Variants in RGL1 observed in about 807,000 individuals in gnomAD.
RGL1 encodes the protein ral guanine nucleotide dissociation stimulator like 1, also known as ral guanine nucleotide dissociation stimulator-like 1.
In RGL1, 24 loss-of-function variants were observed where a neutral mutation model predicts 95.2. The observed-to-expected ratio is 0.25, with a 90% CI of 0.18 to 0.35. RGL1 has a LOEUF of 0.35. Among genes scored for constraint, RGL1 ranks in the 10% least tolerant of loss-of-function variants. The pLI, the probability that RGL1 is intolerant of heterozygous loss-of-function variation, is 1.00. For synonymous variants in RGL1, 329 were observed against 344.9 expected (o/e 0.95, Z 0.51); for missense variants, 715 against 936.3 (o/e 0.76, Z 3.08).
At chr1:183,750,022 T>A (rs1572365804) in intron 2 of RGL1, among the ~76,000 whole-genome samples, 1 of 152,334 alleles carries the variant, frequency 6.6e-6, no homozygotes, top group Non-Finnish European at 1.5e-5. Flanking sequence ...TTGGTGAATC[T>A]GATGATTATG....
intron 17 of RGL1, among the ~76,000 whole-genome samples, chr1:183,924,647 A>G (rs1669508112): frequency 6.6e-6 from 1 of 152,084 alleles, no homozygotes; most frequent in South Asian, 2.1e-4. Context: ...AAATTAAAAA[A>G]CAAAAATAAA....
intron 14 of RGL1, among the ~76,000 whole-genome samples, chr1:183,907,333 C>T (rs190151264): frequency 3.2e-3 from 493 of 152,330 alleles, no homozygotes; most frequent in African/African-American, 0.011. Flanking sequence ...ACTCCAGTAA[C>T]ATCTTCACTG....
chr1:183,779,248 CTCT>C (rs1466188488), intron 2 of RGL1, among the ~76,000 whole-genome samples: 3 of 144,190 alleles, frequency 2.1e-5, no homozygotes, highest in African/African-American at 7.8e-5. Context: ...ACCTTCCTTC[CTCT>C]TCTTTCTTTC....
At chr1:183,666,294 C>T (rs1212471883) in intron 1 of RGL1, among the ~76,000 whole-genome samples, 1 of 152,110 alleles carries the variant, frequency 6.6e-6, no homozygotes, top group East Asian at 1.9e-4. Flanking sequence ...CGTGAGCCAC[C>T]GCGCCTGGGC....
intron 1 of RGL1, among the ~76,000 whole-genome samples, chr1:183,665,855 T>C (rs1651988414): frequency 6.6e-6 from 1 of 152,186 alleles, no homozygotes; most frequent in African/African-American, 2.4e-5. Flanking sequence ...AATGATTTTC[T>C]CCATTGTTTT....
At chr1:183,690,449 G>C (rs563784230) in intron 1 of RGL1, among the ~76,000 whole-genome samples, 2 of 152,112 alleles carry the variant, frequency 1.3e-5, no homozygotes, top group East Asian at 3.9e-4. Flanking sequence ...AATTCGATGG[G>C]GTAGGGAGGT....
At chr1:183,843,199 C>T (rs1369299571) in intron 2 of RGL1, among the ~76,000 whole-genome samples, 1 of 152,328 alleles carries the variant, frequency 6.6e-6, no homozygotes, top group East Asian at 1.9e-4. Context: ...ATTGTAGGCA[C>T]AAGAGCAATT....
intron 1 of RGL1, among the ~76,000 whole-genome samples, chr1:183,650,548 G>A (rs115011681): frequency 0.082 from 12,422 of 151,462 alleles, 1,000 homozygotes; most frequent in African/African-American, 0.21. Flanking sequence ...GTCTCAAAAC[G>A]AAAAACAAAA....
chr1:183,795,635 T>C (rs983631835), intron 2 of RGL1, among the ~76,000 whole-genome samples: 3 of 152,186 alleles, frequency 2.0e-5, no homozygotes, highest in African/African-American at 7.2e-5. Context: ...GGCAAGGCCC[T>C]GTGGCATATG....
chr1:183,647,647 T>G, intron 1 of RGL1: 1 of 1,546,844 alleles, frequency 6.5e-7, no homozygotes, highest in South Asian at 1.2e-5. Context: ...AGTCCCTTGG[T>G]AATTGGTTTC....
intron 3 of RGL1, among the ~76,000 whole-genome samples, chr1:183,852,500 C>G (rs1229086463): frequency 3.3e-5 from 5 of 152,116 alleles, no homozygotes; most frequent in African/African-American, 1.2e-4. Flanking sequence ...TTTTATCTAA[C>G]TTCAAACATA....
At chr1:183,636,877 C>G (rs1278258818) in intron 1 of RGL1, among the ~76,000 whole-genome samples, 1 of 152,142 alleles carries the variant, frequency 6.6e-6, no homozygotes, top group Non-Finnish European at 1.5e-5. Context: ...CAAATATTTG[C>G]AGGATAAAAT....
intron 3 of RGL1, among the ~76,000 whole-genome samples, chr1:183,861,552 A>G (rs1341224794): frequency 6.6e-6 from 1 of 152,248 alleles, no homozygotes; most frequent in Non-Finnish European, 1.5e-5. Context: ...AGGCTGCAGT[A>G]AATAATTGCT....
chr1:183,849,680 A>G (rs893525321), intron 3 of RGL1, among the ~76,000 whole-genome samples: 1 of 151,842 alleles, frequency 6.6e-6, no homozygotes, highest in Non-Finnish European at 1.5e-5. Flanking sequence ...TTGTAAAGAC[A>G]GGGCTTTACC....
intron 3 of RGL1, among the ~76,000 whole-genome samples, chr1:183,858,101 G>A (rs1481088383): frequency 6.7e-6 from 1 of 149,614 alleles, no homozygotes; most frequent in Non-Finnish European, 1.5e-5. Context: ...TGCCCAGCAG[G>A]TTTTTTTTTT....
chr1:183,667,319 A>AT (rs2102042342), intron 1 of RGL1, among the ~76,000 whole-genome samples: 1 of 151,888 alleles, frequency 6.6e-6, no homozygotes, highest in South Asian at 2.1e-4. Context: ...TCATTGATTT[A>AT]TTTTTTATTT....
intron 1 of RGL1, among the ~76,000 whole-genome samples, chr1:183,658,440 G>A (rs556657054): frequency 0.013 from 1,969 of 152,250 alleles, 52 homozygotes; most frequent in African/African-American, 0.046. Flanking sequence ...CTACGCCCAC[G>A]GAGTCTCGCT....
Position 183,836,666 on chromosome 1 carries a change from C to T in RGL1, c.139-10900C>T, listed in dbSNP as rs1663681488. 2.0e-5 allele frequency among the ~76,000 whole-genome samples: 3 copies of T among 152,236 alleles called. No homozygotes were observed. The South Asian group carries it at 6.2e-4, about 32-fold the overall frequency. On this transcript the variant is annotated intron_variant, in intron 2 of 17. Transcript: ENST00000360851. The stretch of plus-strand genomic sequence containing the variant: ...ATCACCTAATAACATGCTTGAAAGA[C>T]ACCTGGTGGGTTTATCAGTAGCCAA...
chr1:183,642,056 A>G (rs1649959316), intron 1 of RGL1, among the ~76,000 whole-genome samples: 1 of 152,184 alleles, frequency 6.6e-6, no homozygotes, highest in Non-Finnish European at 1.5e-5. Flanking sequence ...TTCTTCCCCA[A>G]CCTGATTATC....
Sources: gnomAD v4.1 joint callset for allele counts (sites outside exome capture counted in the v4.1 genomes callset) on GRCh38, gnomAD v4.1.1 for gene constraint, MANE v1.5 for transcripts, NCBI Gene and HGNC (gene_info 2026-07-23, HGNC 2026-07-21) for gene names.